SDK1: variants seen among roughly 807,000 people sequenced by gnomAD.
SDK1 encodes the protein protein sidekick-1.
In SDK1, 157 loss-of-function variants were observed where a neutral mutation model predicts 245.5. The ratio of observed to expected loss-of-function variants is 0.64; its 90% CI spans 0.56 to 0.73. The LOEUF (loss-of-function observed/expected upper bound fraction) is 0.73. Among genes scored for constraint, SDK1 ranks in the 30% least tolerant of loss-of-function variants. The pLI is 0.00. For synonymous variants in SDK1, 1,647 were observed against 1,278.5 expected (o/e 1.29, Z -6.15); for missense variants, 3,583 against 3,002.3 (o/e 1.19, Z -4.52).
At chr7:4,049,152 G>A (rs1024958973) in intron 17 of SDK1, among the ~76,000 whole-genome samples, 196 bp from the exon 18 acceptor site, 2 of 152,206 alleles carry the variant, frequency 1.3e-5, no homozygotes, top group Non-Finnish European at 2.9e-5. Context: ...TTCTGCAAGA[G>A]AAAATGAAAA....
intron 1 of SDK1, among the ~76,000 whole-genome samples, chr7:3,383,353 G>A (rs1781536514): frequency 6.6e-6 from 1 of 152,274 alleles, no homozygotes; most frequent in South Asian, 2.1e-4. Context: ...TAAGATTGCA[G>A]TGAATTATGA....
At chr7:3,665,509 A>G (rs1314930634) in intron 4 of SDK1, among the ~76,000 whole-genome samples, 2 of 152,194 alleles carry the variant, frequency 1.3e-5, no homozygotes, top group Non-Finnish European at 2.9e-5. Context: ...ATAGCACACC[A>G]CACATATTGA....
At chr7:3,744,631 G>A (rs927487263) in intron 4 of SDK1, among the ~76,000 whole-genome samples, 1 of 152,074 alleles carries the variant, frequency 6.6e-6, no homozygotes, top group Non-Finnish European at 1.5e-5. Flanking sequence ...CTAACACGAT[G>A]AAACCCCGTC....
chr7:4,094,032 C>G (rs1027898330), intron 22 of SDK1, among the ~76,000 whole-genome samples: 1 of 152,208 alleles, frequency 6.6e-6, no homozygotes, highest in East Asian at 1.9e-4. Context: ...CCCTTTTTGC[C>G]TAAACGGCCA....
chr7:3,668,161 G>T (rs1017028810), intron 4 of SDK1, among the ~76,000 whole-genome samples: 1 of 152,268 alleles, frequency 6.6e-6, no homozygotes, highest in Middle Eastern at 3.4e-3. Flanking sequence ...TTAATAAGCT[G>T]CCCTGAAACC....
chr7:4,030,062 A>G (rs1311974378), intron 17 of SDK1, among the ~76,000 whole-genome samples: 1 of 152,144 alleles, frequency 6.6e-6, no homozygotes, highest in Non-Finnish European at 1.5e-5. Flanking sequence ...ATCGAGGTAA[A>G]TGGCAGCACC....
At chr7:3,645,349 G>A (rs1348082468) in intron 4 of SDK1, among the ~76,000 whole-genome samples, 4 of 152,166 alleles carry the variant, frequency 2.6e-5, no homozygotes, top group Non-Finnish European at 5.9e-5. Context: ...GGCTGATTAT[G>A]GATATTTACA....
At chr7:3,528,728 G>T (rs1783238051) in intron 1 of SDK1, among the ~76,000 whole-genome samples, 1 of 152,070 alleles carries the variant, frequency 6.6e-6, no homozygotes. Context: ...ACTTGATAAT[G>T]GATTAGATCT....
At chr7:3,856,088 G>A (rs1780538563) in intron 5 of SDK1, among the ~76,000 whole-genome samples, 1 of 152,154 alleles carries the variant, frequency 6.6e-6, no homozygotes, top group African/African-American at 2.4e-5. Flanking sequence ...TTGGAAGACT[G>A]GGGAGAAGAG....
At chr7:4,260,096 G>T (rs1787887046) in intron 44 of SDK1, among the ~76,000 whole-genome samples, 1 of 152,124 alleles carries the variant, frequency 6.6e-6, no homozygotes, top group African/African-American at 2.4e-5. Context: ...GGGTCTCTGT[G>T]TGTGTGGGAA....
chr7:4,173,400 G>T (rs902238261), intron 32 of SDK1, among the ~76,000 whole-genome samples: 2 of 152,184 alleles, frequency 1.3e-5, no homozygotes, highest in African/African-American at 4.8e-5. Context: ...ACCGACTGAA[G>T]GAAAAGGCAA....
chr7:3,364,169 A>T (rs748437575), intron 1 of SDK1, among the ~76,000 whole-genome samples: 4 of 152,112 alleles, frequency 2.6e-5, no homozygotes, highest in Non-Finnish European at 4.4e-5. Flanking sequence ...AGAGTTCTTT[A>T]TATATTTTAG....
chr7:4,180,554 A>G lies in SDK1; in HGVS notation c.5098+1968A>G, dbSNP rs138941591. The stretch of plus-strand genomic sequence containing the variant: ...GGCTCCAGCTCTATGCCCAGCGCCC[A>G]GCTCCAGTTCTAGGGTCTGCGCTGT... On this transcript the variant is annotated intron_variant, in intron 35 of 44. Coordinates refer to ENST00000404826, the MANE Select transcript of SDK1 (RefSeq NM_152744.4). Among the ~76,000 whole-genome samples the G allele has an allele frequency of 2.9e-3, 446 of 151,474 alleles. 3 individuals carry two copies. The highest frequency in any genetic ancestry group is 0.01 in the African/African-American group (414 of 41,236).
At chr7:3,352,983 AG>A (rs1780699860) in intron 1 of SDK1, among the ~76,000 whole-genome samples, 2 of 152,200 alleles carry the variant, frequency 1.3e-5, no homozygotes, top group South Asian at 2.1e-4. Context: ...GTCTGTCTTG[AG>A]GGAAAACAAG....
intron 36 of SDK1, among the ~76,000 whole-genome samples, chr7:4,207,429 G>T (rs1314251783): frequency 6.6e-6 from 1 of 152,124 alleles, no homozygotes; most frequent in African/African-American, 2.4e-5. Context: ...TTGTGCTTGG[G>T]CGTCAAGTTC....
intron 4 of SDK1, among the ~76,000 whole-genome samples, chr7:3,747,096 C>G (rs1030543500): frequency 6.6e-6 from 1 of 152,152 alleles, no homozygotes; most frequent in African/African-American, 2.4e-5. Flanking sequence ...TCCATGAGAA[C>G]TCTTGGGTAA....
chr7:3,951,786 G>GCCT lies in SDK1; in HGVS notation c.1019_1021dup (p.Leu340dup), dbSNP rs557107791. The GCCT allele has an allele frequency of 9.0e-4, 1,460 of 1,613,904 alleles. 4 individuals are homozygous for GCCT. Among genetic ancestry groups the GCCT allele is most frequent in the Middle Eastern group, 4.6e-3 (28 of 6,062 alleles). On this transcript the variant is annotated inframe_insertion, in exon 7 of 45. Coordinates refer to ENST00000404826, the MANE Select transcript of SDK1 (RefSeq NM_152744.4). ...AGGAATGGAGTGAGAATCACCAGTG[G>GCCT]CCTCCACAGCTTTGGAAGACGCCTC...
At chr7:4,091,964 T>A (rs1012040014) in intron 22 of SDK1, among the ~76,000 whole-genome samples, 2 of 151,824 alleles carry the variant, frequency 1.3e-5, no homozygotes, top group Admixed American at 6.6e-5. Context: ...CTCTGACTCA[T>A]CCCCCAGGAA....
At position 3,555,958 on chromosome 7, in the gene SDK1, A is replaced by G. The variant is rs554702082; in HGVS notation, c.299-63122A>G. Among the ~76,000 whole-genome samples the G allele has an allele frequency of 2.9e-4, 44 of 152,300 alleles. 1 individual carries two copies. The South Asian group carries it at 7.0e-3, about 24-fold the overall frequency. On this transcript the variant is annotated intron_variant, in intron 1 of 44. Coordinates refer to ENST00000404826, the MANE Select transcript of SDK1 (RefSeq NM_152744.4). ...TGTGGAGAAAAGGGAATCCTCATAC[A>G]CTATCGGTGGGAATGTAAATTAGGG...
Sources: allele counts gnomAD v4.1 joint callset (sites outside exome capture counted in the v4.1 genomes callset), GRCh38; gene constraint gnomAD v4.1.1; transcripts MANE v1.5; gene names NCBI Gene and HGNC (gene_info 2026-07-23, HGNC 2026-07-21).